Variants in AKAP9 observed in about 807,000 individuals in gnomAD.
AKAP9 encodes A-kinase anchor protein 9.
In AKAP9, 311 loss-of-function variants were observed where a neutral mutation model predicts 488.5. The ratio of observed to expected loss-of-function variants is 0.64; its 90% confidence interval spans 0.58 to 0.70. AKAP9 has a LOEUF of 0.70. Among genes scored for constraint, AKAP9 ranks in the 30% least tolerant of loss-of-function variants. The probability of loss-of-function intolerance (pLI) is 0.00; values close to 1 mark genes in which losing one functional copy is unlikely to be tolerated. For missense variants in AKAP9, 4,215 were observed against 4,374.5 expected, an observed-to-expected ratio of 0.96 and a Z score of 1.03; for synonymous variants, 1,462 against 1,483.5, an observed-to-expected ratio of 0.99 and a Z score of 0.33.
Position 92,099,797 on chromosome 7 carries a change from C to G in AKAP9, c.10824C>G (p.Asp3608Glu). ...GTCAACTGACTGAAGAGAAGAATGA[C>G]TTAAGGAACATGGTTATGAAGCTGG... ...HISQLTEEKN[D>E]LRNMVMKLEE... The change falls in exon 44 of 50, where the codon GAC (aspartate) becomes GAG (glutamate). Residue 3608 changes from aspartate to glutamate, a missense_variant. Physicochemically the swap from Asp to Glu is conservative, Grantham distance 45. Around this residue, in one of 5 missense-constraint regions of AKAP9, gnomAD observed 74 missense variants for 113.0 expected, o/e 0.65. Transcript: ENST00000356239. 1 of 1,614,024 alleles carries G rather than the reference C, an allele frequency of 6.2e-7. No homozygotes were observed. Among genetic ancestry groups the G allele is most frequent in the South Asian group, 1.1e-5 (1 of 91,068 alleles).
chr7:92,084,979 G>T, intron 35 of AKAP9, 39 bp downstream of exon 35: 1 of 1,605,720 alleles, frequency 6.2e-7, no homozygotes, highest in Non-Finnish European at 8.5e-7. Context: ...CTCAGCCAGT[G>T]TTGTTTCTAT....
intron 1 of AKAP9, among the ~76,000 whole-genome samples, chr7:91,952,395 A>G (rs1562886700): frequency 6.6e-6 from 1 of 152,230 alleles, no homozygotes; most frequent in Non-Finnish European, 1.5e-5. Context: ...CAGACACATA[A>G]AGAGATAATT....
chr7:92,084,857 C>T lies in AKAP9; in HGVS notation c.8749C>T (p.His2917Tyr), dbSNP rs902169586. The change falls in exon 35 of 50, where the codon CAC becomes TAC. Residue 2917 changes from histidine to tyrosine, a missense_variant. This residue lies in a region of AKAP9 where 1,476 missense variants were observed against 1,477.4 expected (regional missense o/e 1.00). Transcript: ENST00000356239. ...CTGGGGTCAGGGAATTTATCTTACA[C>T]ACAGTCAGGGATTTGACATAGCATC... ...SDWGQGIYLTHSQGFDIASEG... is the reference protein window; with the variant it reads ...SDWGQGIYLTYSQGFDIASEG... The T allele has an allele frequency of 6.2e-7, 1 of 1,612,888 alleles. No homozygotes were observed. Among genetic ancestry groups the T allele is most frequent in the African/African-American group, 1.3e-5 (1 of 74,722 alleles).
At chr7:92,045,294 T>C (rs1408856930) in intron 21 of AKAP9, 81 bp downstream of exon 21, 14 of 1,368,442 alleles carry the variant, frequency 1.0e-5, no homozygotes, top group South Asian at 5.9e-5. Context: ...GTTGAAAATA[T>C]AGAAGAGAAA....
intron 17 of AKAP9, 54 bp from the exon 18 acceptor site, chr7:92,040,620 T>G: frequency 7.4e-7 from 1 of 1,347,140 alleles, no homozygotes; most frequent in Non-Finnish European, 1.0e-6. Context: ...CTGACAGATT[T>G]TTACAAAATG....
Position 92,095,119 on chromosome 7 carries a change from G to T in AKAP9, c.9675G>T (p.Glu3225Asp). The change falls in exon 40 of 50, where the codon GAG (glutamate) becomes GAT (aspartate). Residue 3225 changes from glutamate (E) to aspartate (D), a missense_variant. Physicochemically the swap from Glu to Asp is conservative, Grantham distance 45. Coordinates refer to ENST00000356239, the MANE Select transcript of AKAP9 (RefSeq NM_005751.5). Reference protein sequence around the residue: ...KKSRELQWALEKEKAKLGRSE... With the variant: ...KKSRELQWALDKEKAKLGRSE... ...CAAGAGAGCTCCAGTGGGCTTTGGA[G>T]AAAGAGAAAGCCAAGTTGGGACGCA... 6.2e-7 allele frequency: 1 copy of T among 1,614,198 alleles called. No homozygotes were observed. Among genetic ancestry groups the T allele is most frequent in the Non-Finnish European group, 8.5e-7 (1 of 1,180,016 alleles).
At chr7:92,031,264 T>G (rs1056146511) in intron 15 of AKAP9, among the ~76,000 whole-genome samples, 9 of 152,218 alleles carry the variant, frequency 5.9e-5, no homozygotes, top group Admixed American at 5.2e-4. Flanking sequence ...AACTGTATGT[T>G]GGCATTTATA....
At chr7:92,102,936 G>A in intron 46 of AKAP9, 110 bp downstream of exon 46, 2 of 988,460 alleles carry the variant, frequency 2.0e-6, no homozygotes, top group Non-Finnish European at 3.1e-6. Flanking sequence ...TATATAGTAG[G>A]AGGTATGTGC....
chr7:92,098,189 A>G lies in AKAP9; in HGVS notation c.10688A>G (p.Lys3563Arg), dbSNP rs150527358. The change falls in exon 43 of 50, where the codon AAA (lysine) becomes AGA (arginine). Residue 3563 changes from lysine (K) to arginine (R), a missense_variant. By Grantham distance (26) the Lys-to-Arg change is conservative. Around this residue, in one of 5 missense-constraint regions of AKAP9, gnomAD observed 1,476 missense variants for 1,477.4 expected, o/e 1.00. Transcript: ENST00000356239. The stretch of plus-strand genomic sequence containing the variant: ...GATGAAATTATTTTACAACTACAGA[A>G]ATTAACTGGCCAGCAAGGTGAAGAG... ...NIDEIILQLQ[K>R]LTGQQGEEPS... is the part of the protein sequence containing the mutation. 1.2e-5 allele frequency: 20 copies of G among 1,610,018 alleles called. No homozygotes were observed. Among genetic ancestry groups the G allele is most frequent in the Non-Finnish European group, 1.7e-5 (20 of 1,176,412 alleles).
chr7:91,962,355 G>A lies in AKAP9; in HGVS notation c.49-11356G>A, dbSNP rs1028094929. On this transcript the variant is annotated intron_variant, in intron 1 of 49. Coordinates refer to ENST00000356239, the MANE Select transcript of AKAP9 (RefSeq NM_005751.5). ...TTTGTTTTGCTTTTTGTCTTTTGGT[G>A]GAGGAGGGAGATTATAATTTTTTGT... Among the ~76,000 whole-genome samples, 4 of 152,040 alleles carry A rather than the reference G, an allele frequency of 2.6e-5. No individual in the cohort carries two copies. In the South Asian group the frequency reaches 8.3e-4, roughly 32 times the overall value.
chr7:92,010,959 G>A (rs6465344), intron 8 of AKAP9, among the ~76,000 whole-genome samples: 68,297 of 151,906 alleles, frequency 0.45, 16,433 homozygotes, highest in African/African-American at 0.63. Flanking sequence ...AGCCCATATA[G>A]TCATTTTAAT....
At chr7:91,959,325 T>A (rs759893064) in intron 1 of AKAP9, among the ~76,000 whole-genome samples, 1 of 152,172 alleles carries the variant, frequency 6.6e-6, no homozygotes, top group Non-Finnish European at 1.5e-5. Flanking sequence ...GATCTCACTC[T>A]GTTGCCCAGG....
At chr7:92,020,106 G>A (rs1802118389) in intron 12 of AKAP9, among the ~76,000 whole-genome samples, 1 of 152,016 alleles carries the variant, frequency 6.6e-6, no homozygotes. Flanking sequence ...CTGCACAAGG[G>A]GTAATAAGAG....
intron 38 of AKAP9, among the ~76,000 whole-genome samples, chr7:92,091,589 AAAAAAAAAC>A (rs1815609448): frequency 6.7e-6 from 1 of 149,938 alleles, no homozygotes; most frequent in Admixed American, 6.6e-5. Flanking sequence ...CTGTCTCAAA[AAAAAAAAAC>A]AAAAAAAAAA....
chr7:92,052,550 TG>T (rs1421328125), intron 21 of AKAP9, among the ~76,000 whole-genome samples, 175 bp from the exon 22 acceptor site: 3 of 152,198 alleles, frequency 2.0e-5, no homozygotes, highest in African/African-American at 7.2e-5. Flanking sequence ...TTCTTTTGCT[TG>T]GTTATTGAAT....
In AKAP9 at chr7:92,078,686, T is replaced by C. The variant is rs184387983; in HGVS notation, c.6946-393T>C. Among the ~76,000 whole-genome samples, 583 of 152,294 alleles carry C rather than the reference T, an allele frequency of 3.8e-3. 3 individuals carry two copies. The highest frequency in any genetic ancestry group is 0.013 in the African/African-American group (561 of 41,574). On this transcript the variant is annotated intron_variant, in intron 30 of 49. Transcript: ENST00000356239. ...TGTTTTTCAGAAAGGCTCTGTGACT[T>C]AGATTTTATCATGTTATTCTAACCA...
chr7:92,093,624 C>T (rs1474807972), intron 39 of AKAP9, among the ~76,000 whole-genome samples: 1 of 152,068 alleles, frequency 6.6e-6, no homozygotes. Flanking sequence ...CAGTAGAATT[C>T]ATGATTGAGT....
At position 92,085,461 on chromosome 7, in the gene AKAP9, G is replaced by T. The variant is rs201879046; in HGVS notation, c.8833-34G>T. On this transcript the variant is annotated intron_variant, in intron 35 of 49. Coordinates refer to ENST00000356239, the MANE Select transcript of AKAP9 (RefSeq NM_005751.5). ...TAATTTTTCAGTCTGTGAAGAAGTT[G>T]TCATAATTCTGGCTCTTGGGTTTTG... The T allele has an allele frequency of 1.9e-6, 3 of 1,595,048 alleles. No individual in the cohort carries two copies. The Admixed American group carries it at 5.0e-5, about 27-fold the overall frequency.
In AKAP9 at chr7:92,084,622, T is replaced by C. The variant is rs770504309; in HGVS notation, c.8647-18T>C. The C allele has an allele frequency of 3.1e-6, 5 of 1,590,628 alleles. No individual in the cohort carries two copies. The East Asian group carries it at 9.0e-5, about 28-fold the overall frequency. ...ATTAAAGCAAAAAATATATGTACTT[T>C]TTGTTTTCTCTAATTAGGGATCCTC... On this transcript the variant is annotated intron_variant, in intron 33 of 49. Coordinates refer to ENST00000356239, the MANE Select transcript of AKAP9 (RefSeq NM_005751.5).
Sources: gnomAD v4.1 joint callset for allele counts (sites outside exome capture counted in the v4.1 genomes callset) on GRCh38, gnomAD v4.1.1 for gene constraint, gnomAD v4.1.1 regional missense constraint, MANE v1.5 for transcripts, NCBI Gene and HGNC (gene_info 2026-07-23, HGNC 2026-07-21) for gene names.